Variants in HACL2 observed in about 807,000 individuals in gnomAD.
HACL2 encodes 2-hydroxyacyl-CoA lyase 2.
chr19:15,118,117 C>G, the HACL2 span: 2 of 1,470,718 alleles, frequency 1.4e-6, no homozygotes, highest in Non-Finnish European at 1.9e-6. Flanking sequence ...TGTTCCTCAC[C>G]GAGTCTCCCT....
the HACL2 span, chr19:15,115,159 G>T: frequency 1.4e-6 from 2 of 1,449,462 alleles, no homozygotes; most frequent in Non-Finnish European, 1.9e-6. Context: ...GGGCCTCATG[G>T]GATAGGCCCA....
the HACL2 span, chr19:15,122,619 G>A: frequency 3.2e-6 from 4 of 1,241,290 alleles, no homozygotes; most frequent in South Asian, 1.2e-5. The surrounding 1 kb of genome is among the most constrained non-coding windows in gnomAD (Gnocchi z 4.0). Context: ...AATCAAAGGA[G>A]GATGGGTGTG....
the HACL2 span, chr19:15,124,700 C>CCGGCAG: frequency 3.6e-6 from 2 of 563,234 alleles, no homozygotes; most frequent in Non-Finnish European, 6.1e-6. Context: ...TGCGAGTGCC[C>CCGGCAG]CGGCAGCGGC....
the HACL2 span, among the ~76,000 whole-genome samples, chr19:15,121,472 G>A: frequency 6.6e-6 from 1 of 152,208 alleles, no homozygotes; most frequent in African/African-American, 2.4e-5. Context: ...GGAAGGGAGA[G>A]AAGGAGGAAG....
At chr19:15,124,362 G>T in the HACL2 span, 1 of 153,260 alleles carries the variant, frequency 6.5e-6, no homozygotes, top group Non-Finnish European at 1.5e-5. Context: ...AAACAGAGGT[G>T]CAAGGAGTTT....
the HACL2 span, chr19:15,115,206 C>G: frequency 5.6e-6 from 9 of 1,606,132 alleles, no homozygotes; most frequent in Non-Finnish European, 6.8e-6. Context: ...CAGCTGGACA[C>G]AGTCCAGGGG....
At chr19:15,115,795 G>A in the HACL2 span, 18 of 1,590,514 alleles carry the variant, frequency 1.1e-5, no homozygotes, top group East Asian at 4.0e-4. Flanking sequence ...GCCCACCCCT[G>A]GTGACATCTC....
chr19:15,119,280 C>G, the HACL2 span: 1 of 1,607,286 alleles, frequency 6.2e-7, no homozygotes, highest in Non-Finnish European at 8.5e-7. Context: ...AAGCAGGGAA[C>G]ACCCAAGGTC....
At chr19:15,120,228 C>G in the HACL2 span, 1 of 546,926 alleles carries the variant, frequency 1.8e-6, no homozygotes, top group South Asian at 2.2e-5. Context: ...CAGGGACAGA[C>G]GAACCCTAGT....
At chr19:15,124,599 T>G in the HACL2 span, 1 of 356,230 alleles carries the variant, frequency 2.8e-6, no homozygotes, top group East Asian at 5.9e-5. Flanking sequence ...GAGCCTGCCC[T>G]CTGCCCCATT....
chr19:15,115,088 AAG>A, the HACL2 span: 1 of 781,802 alleles, frequency 1.3e-6, no homozygotes, highest in Non-Finnish European at 2.2e-6. Context: ...AAGAGCTCAC[AAG>A]AGAGCCTCTC....
chr19:15,115,367 T>A, the HACL2 span: 1 of 1,614,096 alleles, frequency 6.2e-7, no homozygotes, highest in Non-Finnish European at 8.5e-7. Context: ...GACCACCTGA[T>A]CCTCGTTCTC....
the HACL2 span, chr19:15,125,704 C>G: frequency 2.6e-5 from 4 of 152,418 alleles, no homozygotes; most frequent in Non-Finnish European, 5.9e-5. Flanking sequence ...CGGCCCCCTC[C>G]GTGTCACGTG....
chr19:15,120,844 AT>A, the HACL2 span, among the ~76,000 whole-genome samples: 1 of 152,180 alleles, frequency 6.6e-6, no homozygotes, highest in Non-Finnish European at 1.5e-5. Context: ...AGGCAGGAGG[AT>A]TGCTCGAGGC....
the HACL2 span, chr19:15,123,801 A>G: frequency 1.7e-6 from 1 of 578,670 alleles, no homozygotes; most frequent in Non-Finnish European, 3.1e-6. The surrounding 1 kb of genome is among the most constrained non-coding windows in gnomAD (Gnocchi z 5.1). Context: ...AGCTGAGGAC[A>G]TCAAGGCTTG....
chr19:15,115,613 T>G, the HACL2 span: 31 of 1,613,930 alleles, frequency 1.9e-5, no homozygotes, highest in Non-Finnish European at 2.6e-5. Flanking sequence ...AGAGGGCACC[T>G]GCTCCCGAGA....
the HACL2 span, among the ~76,000 whole-genome samples, chr19:15,118,992 G>A: frequency 6.6e-6 from 1 of 152,272 alleles, no homozygotes; most frequent in African/African-American, 2.4e-5. Context: ...TTACAGGGCA[G>A]TAGCTATCTG....
At chr19:15,125,147 C>G in the HACL2 span, 1 of 1,352,924 alleles carries the variant, frequency 7.4e-7, no homozygotes, top group African/African-American at 1.5e-5. Context: ...CTTCTCGCAG[C>G]AGGATCCAGG....
chr19:15,117,914 C>G, the HACL2 span: 1 of 1,614,106 alleles, frequency 6.2e-7, no homozygotes, highest in Non-Finnish European at 8.5e-7. Flanking sequence ...CAGAAGATGT[C>G]TGAGTTGAGC....
Sources: allele counts gnomAD v4.1 joint callset (sites outside exome capture counted in the v4.1 genomes callset), GRCh38; gene constraint gnomAD v4.1.1; non-coding constraint Gnocchi (gnomAD v3.1); transcripts MANE v1.5; gene names NCBI Gene and HGNC (gene_info 2026-07-23, HGNC 2026-07-21).